TSPAN5: variants seen among roughly 807,000 people sequenced by gnomAD.
TSPAN5 encodes the protein tetraspanin 5.
TSPAN5 carries 10 observed loss-of-function variants against 37.1 expected under a neutral mutation model. The ratio of observed to expected loss-of-function variants is 0.27; its 90% CI spans 0.17 to 0.46. TSPAN5 has a LOEUF of 0.46. Ranked by LOEUF, TSPAN5 falls within the 20% of genes least tolerant of loss-of-function variation. The probability of loss-of-function intolerance (pLI) is 1.00; values close to 1 mark genes in which losing one functional copy is unlikely to be tolerated. For synonymous variants in TSPAN5, 110 were observed against 118.9 expected (o/e 0.93, Z 0.48); for missense variants, 195 against 326.6 (o/e 0.60, Z 3.11).
Position 98,556,048 on chromosome 4 carries a change from C to CA in TSPAN5, c.82-48321dup, listed in dbSNP as rs1365399100. On this transcript the variant is annotated intron_variant, in intron 1 of 7. Coordinates refer to ENST00000305798, the MANE Select transcript of TSPAN5 (RefSeq NM_005723.4). ...CCCACACACACAGCACCCCCACACACACACACACACACACACAGGTAGGAA... is the reference window on the plus strand; with the variant it reads ...CCCACACACACAGCACCCCCACACACAACACACACACACACACAGGTAGGAA... Among the ~76,000 whole-genome samples the CA allele has an allele frequency of 1.3e-3, 181 of 138,264 alleles. 25 individuals are homozygous for CA. The highest frequency in any genetic ancestry group is 2.0e-3 in the Non-Finnish European group (129 of 63,310). 90.7% of individuals were successfully genotyped at this position (138,264 alleles called of 152,430 possible).
At position 98,658,263 on chromosome 4, in the gene TSPAN5, G is replaced by A; in HGVS notation, c.-37C>T. 6.4e-7 allele frequency: 1 copy of A among 1,564,836 alleles called. No homozygotes were observed. The highest frequency in any genetic ancestry group is 1.1e-5 in the South Asian group (1 of 90,018). ...ATGAAGACACTTGCCCCGGCAGCCC[G>A]AGTTTGGAGCTCCGAAGCACCGTTG... On this transcript the variant is annotated 5_prime_UTR_variant, in exon 1 of 8. Transcript: ENST00000305798.
At chr4:98,512,742 G>A (rs1753638271) in intron 1 of TSPAN5, among the ~76,000 whole-genome samples, 1 of 152,184 alleles carries the variant, frequency 6.6e-6, no homozygotes, top group African/African-American at 2.4e-5. Flanking sequence ...GATACTTCAA[G>A]AGGCCATTCA....
At chr4:98,552,225 C>T (rs149704075) in intron 1 of TSPAN5, among the ~76,000 whole-genome samples, 43 of 152,056 alleles carry the variant, frequency 2.8e-4, no homozygotes, top group Non-Finnish European at 4.9e-4. Context: ...TGATCTTTGT[C>T]GCTTATTTTC....
chr4:98,553,028 A>T (rs955028710), intron 1 of TSPAN5, among the ~76,000 whole-genome samples: 1 of 152,242 alleles, frequency 6.6e-6, no homozygotes, highest in African/African-American at 2.4e-5. Flanking sequence ...CCCATTTACT[A>T]TTAATTTTCT....
intron 1 of TSPAN5, among the ~76,000 whole-genome samples, chr4:98,602,823 A>C (rs2110222533): frequency 6.6e-6 from 1 of 152,336 alleles, no homozygotes; most frequent in East Asian, 1.9e-4. Context: ...TGTCTCCATA[A>C]TTCTACAATG....
chr4:98,573,817 C>T (rs1241501091), intron 1 of TSPAN5, among the ~76,000 whole-genome samples: 1 of 152,236 alleles, frequency 6.6e-6, no homozygotes, highest in East Asian at 1.9e-4. Context: ...CAAAAATGTA[C>T]ATACAGCTTA....
chr4:98,583,581 C>G (rs1755417475), intron 1 of TSPAN5, among the ~76,000 whole-genome samples: 1 of 152,210 alleles, frequency 6.6e-6, no homozygotes, highest in Non-Finnish European at 1.5e-5. Flanking sequence ...ATGGTCCTGA[C>G]CCACGTTCAA....
intron 1 of TSPAN5, among the ~76,000 whole-genome samples, chr4:98,631,031 G>A (rs1393875436): frequency 6.6e-6 from 1 of 152,108 alleles, no homozygotes; most frequent in Admixed American, 6.5e-5. Context: ...TTTCTGCTTG[G>A]CAAAGAACAC....
At chr4:98,641,934 A>G (rs1397961314) in intron 1 of TSPAN5, among the ~76,000 whole-genome samples, 4 of 152,232 alleles carry the variant, frequency 2.6e-5, no homozygotes, top group Admixed American at 1.3e-4. Context: ...GGATTCCACT[A>G]TGAAAAGGGT....
intron 1 of TSPAN5, among the ~76,000 whole-genome samples, chr4:98,573,636 G>A (rs182287843): frequency 1.3e-5 from 2 of 152,260 alleles, no homozygotes; most frequent in East Asian, 1.9e-4. Flanking sequence ...AACTGTCATC[G>A]AATACTATTT....
intron 1 of TSPAN5, among the ~76,000 whole-genome samples, chr4:98,617,909 C>G (rs114859050): frequency 6.6e-6 from 1 of 152,234 alleles, no homozygotes; most frequent in Admixed American, 6.5e-5. Context: ...TAGAGCTGGA[C>G]AGGCCCCAGA....
At chr4:98,500,674 T>C (rs1204066421) in intron 2 of TSPAN5, among the ~76,000 whole-genome samples, 3 of 152,258 alleles carry the variant, frequency 2.0e-5, no homozygotes, top group African/African-American at 7.2e-5. Flanking sequence ...CAAATGCAAC[T>C]CCTTTATAAA....
intron 1 of TSPAN5, among the ~76,000 whole-genome samples, chr4:98,612,984 T>G (rs1305762589): frequency 6.6e-6 from 1 of 152,176 alleles, no homozygotes; most frequent in African/African-American, 2.4e-5. Flanking sequence ...CAATTATGGT[T>G]TTTTCCCCCT....
At chr4:98,578,062 C>T (rs910541355) in intron 1 of TSPAN5, among the ~76,000 whole-genome samples, 3 of 152,152 alleles carry the variant, frequency 2.0e-5, no homozygotes, top group Non-Finnish European at 4.4e-5. Flanking sequence ...TATTTTTTGG[C>T]ACTTATTAAT....
intron 1 of TSPAN5, among the ~76,000 whole-genome samples, chr4:98,646,686 T>C (rs1757076097): frequency 6.6e-6 from 1 of 152,188 alleles, no homozygotes. Flanking sequence ...ACTGTGAACA[T>C]TTGTTAGATC....
chr4:98,642,414 A>G (rs1028982478), intron 1 of TSPAN5, among the ~76,000 whole-genome samples: 1 of 152,192 alleles, frequency 6.6e-6, no homozygotes, highest in Non-Finnish European at 1.5e-5. Flanking sequence ...CTAGCCTCCA[A>G]CTAATAACCA....
intron 1 of TSPAN5, among the ~76,000 whole-genome samples, chr4:98,554,416 T>C (rs1000424415): frequency 1.3e-5 from 2 of 152,206 alleles, no homozygotes; most frequent in East Asian, 3.8e-4. Flanking sequence ...CGTGAACCAT[T>C]ATGGAGAAAG....
intron 1 of TSPAN5, among the ~76,000 whole-genome samples, chr4:98,614,495 C>T (rs1756273292): frequency 6.6e-6 from 1 of 152,240 alleles, no homozygotes; most frequent in African/African-American, 2.4e-5. Flanking sequence ...GAACATATGA[C>T]CCAGAACAGC....
intron 1 of TSPAN5, among the ~76,000 whole-genome samples, chr4:98,556,207 T>A (rs1578990178): frequency 6.6e-6 from 1 of 152,132 alleles, no homozygotes; most frequent in Non-Finnish European, 1.5e-5. Context: ...GTCAATTCCA[T>A]CCTTCCTGTA....
Sources: gnomAD v4.1 joint callset for allele counts (sites outside exome capture counted in the v4.1 genomes callset) on GRCh38, gnomAD v4.1.1 for gene constraint, MANE v1.5 for transcripts, NCBI Gene and HGNC (gene_info 2026-07-23, HGNC 2026-07-21) for gene names.